The following KDM5A variants were observed in gnomAD, a reference collection of about 807,000 sequenced individuals.
KDM5A encodes lysine demethylase 5A, also known as lysine-specific demethylase 5A.
KDM5A carries 42 observed loss-of-function variants against 193.5 expected under a neutral mutation model. The observed-to-expected ratio is 0.22, with a 90% CI of 0.17 to 0.28. KDM5A has a LOEUF of 0.28. Ranked by LOEUF, KDM5A falls within the 10% of genes least tolerant of loss-of-function variation. The pLI is 1.00. For missense variants in KDM5A, 1,692 were observed against 2,055.1 expected (o/e 0.82, Z 3.42); for synonymous variants, 796 against 718.1 (o/e 1.11, Z -1.73).
At chr12:384,268 A>C in intron 2 of KDM5A, 115 bp from the exon 3 acceptor site, 2 of 784,688 alleles carry the variant, frequency 2.5e-6, no homozygotes, top group Non-Finnish European at 4.4e-6. Context: ...GCCTGTTAGG[A>C]ACCCAGCCAC....
Position 363,313 on chromosome 12 carries a change from G to A in KDM5A, c.538-216C>T, listed in dbSNP as rs147065316. 3.3e-5 allele frequency among the ~76,000 whole-genome samples: 5 copies of A among 152,152 alleles called. No homozygotes were observed. The East Asian group carries it at 9.6e-4, about 29-fold the overall frequency. On this transcript the variant is annotated intron_variant, in intron 4 of 27. Transcript: ENST00000399788. ...TAAAATTTATTTGGAAATATAAGTTGTTTAGAAATTTTGAAAAAAAGAACA... is the reference window on the plus strand; with the variant it reads ...TAAAATTTATTTGGAAATATAAGTTATTTAGAAATTTTGAAAAAAAGAACA...
chr12:328,146 A>T (rs950017018), intron 14 of KDM5A, among the ~76,000 whole-genome samples: 7 of 152,230 alleles, frequency 4.6e-5, no homozygotes, highest in African/African-American at 1.7e-4. Context: ...AAACTTATCA[A>T]ATTGTACACA....
chr12:357,287 C>T (rs939264555), intron 5 of KDM5A, among the ~76,000 whole-genome samples: 1 of 149,252 alleles, frequency 6.7e-6, no homozygotes, highest in African/African-American at 2.5e-5. Flanking sequence ...ATCAATCCAT[C>T]AATGGGAAAG....
At chr12:341,179 T>C (rs573887635) in intron 10 of KDM5A, among the ~76,000 whole-genome samples, 2 of 152,260 alleles carry the variant, frequency 1.3e-5, no homozygotes, top group East Asian at 1.9e-4. Context: ...AGCTAAAAAA[T>C]GAAGTCTCTC....
At chr12:309,029 AC>A (rs1483575082) in intron 22 of KDM5A, among the ~76,000 whole-genome samples, 3 of 152,202 alleles carry the variant, frequency 2.0e-5, no homozygotes, top group African/African-American at 7.2e-5. Context: ...TTAAATTCTA[AC>A]CCAGTAATTA....
intron 3 of KDM5A, among the ~76,000 whole-genome samples, chr12:381,731 C>T (rs1237334784): frequency 6.6e-6 from 1 of 152,118 alleles, no homozygotes; most frequent in Non-Finnish European, 1.5e-5. Flanking sequence ...TAAGACCGTA[C>T]TTCCCAAATT....
chr12:313,515 G>C (rs1263462563), intron 19 of KDM5A, among the ~76,000 whole-genome samples: 1 of 152,124 alleles, frequency 6.6e-6, no homozygotes, highest in African/African-American at 2.4e-5. Context: ...TTCAGAATGA[G>C]GGTCAGATCC....
chr12:359,816 G>C (rs929617794), intron 5 of KDM5A, among the ~76,000 whole-genome samples: 1 of 147,864 alleles, frequency 6.8e-6, no homozygotes, highest in Non-Finnish European at 1.5e-5. Flanking sequence ...GGAGGGAGAA[G>C]GGAGGCAAGG....
At position 376,545 on chromosome 12, in the gene KDM5A, C is replaced by T. The variant is rs555792648; in HGVS notation, c.366+7486G>A. Among the ~76,000 whole-genome samples, 454 of 152,322 alleles carry T rather than the reference C, an allele frequency of 3.0e-3. 2 individuals are homozygous for T. The highest frequency in any genetic ancestry group is 0.01 in the African/African-American group (436 of 41,584). On this transcript the variant is annotated intron_variant, in intron 3 of 27. Coordinates refer to ENST00000399788, the MANE Select transcript of KDM5A (RefSeq NM_001042603.3). ...GCACTTCCCAGGTGAGACGATGCCT[C>T]GCCCTGCTTTGGCACACGCTCGGTG...
At chr12:374,632 A>G (rs985906898) in intron 3 of KDM5A, among the ~76,000 whole-genome samples, 1 of 152,096 alleles carries the variant, frequency 6.6e-6, no homozygotes, top group African/African-American at 2.4e-5. Context: ...TTAGCTGATT[A>G]TTTTGCTCGT....
chr12:376,667 T>C (rs1359015797), intron 3 of KDM5A, among the ~76,000 whole-genome samples: 2 of 152,356 alleles, frequency 1.3e-5, no homozygotes, highest in African/African-American at 2.4e-5. Context: ...GTCTTCTGCG[T>C]CGCTCACGCT....
At position 323,481 on chromosome 12, in the gene KDM5A, T is replaced by C. The variant is rs188513563; in HGVS notation, c.2150+119A>G. The C allele has an allele frequency of 7.3e-4, 799 of 1,087,502 alleles. 4 individuals are homozygous for C. In the East Asian group the frequency reaches 0.01, roughly 14 times the overall value. 67.4% of individuals were successfully genotyped at this position (1,087,502 alleles called of 1,614,324 possible). A position where few individuals can be genotyped will look rare whatever the true frequency, so the allele number is the denominator to read the frequency against. On this transcript the variant is annotated intron_variant, in intron 15 of 27. Coordinates refer to ENST00000399788, the MANE Select transcript of KDM5A (RefSeq NM_001042603.3). Reference sequence around the variant, plus strand: ...AGGGACTGGTCTTCAAGCCTAGAAGTAGACAGTGAAGTTTAGAAGTCCAGA... The same window carrying C: ...AGGGACTGGTCTTCAAGCCTAGAAGCAGACAGTGAAGTTTAGAAGTCCAGA...
intron 5 of KDM5A, 64 bp from the exon 6 acceptor site, chr12:356,601 C>T: frequency 9.3e-7 from 1 of 1,077,640 alleles, no homozygotes; most frequent in Non-Finnish European, 1.4e-6. Context: ...TTTTTTTACC[C>T]AAGGAAAGTT....
At chr12:364,424 C>T (rs1284469710) in intron 4 of KDM5A, among the ~76,000 whole-genome samples, 1 of 151,586 alleles carries the variant, frequency 6.6e-6, no homozygotes, top group African/African-American at 2.4e-5. Context: ...CTGCAGTGAG[C>T]CGAGTTCACG....
intron 21 of KDM5A, 83 bp from the exon 22 acceptor site, chr12:310,047 C>T: frequency 7.0e-7 from 1 of 1,429,612 alleles, no homozygotes; most frequent in Non-Finnish European, 9.7e-7. Context: ...CATTTGTTGA[C>T]TGTTCAACCA....
chr12:306,805 C>A lies in KDM5A; in HGVS notation c.4074+141G>T, dbSNP rs139499293. The A allele has an allele frequency of 5.7e-4, 504 of 883,958 alleles. 7 individuals are homozygous for A. In the East Asian group the frequency reaches 0.012, roughly 21 times the overall value. 54.8% of individuals were successfully genotyped at this position (883,958 alleles called of 1,614,324 possible). The stretch of plus-strand genomic sequence containing the variant: ...TGTTTTGAGTTTTGAAAAAATGCTA[C>A]GACTAAAAACTCAGAACAGATAAAT... On this transcript the variant is annotated intron_variant, in intron 24 of 27. Transcript: ENST00000399788.
At position 377,289 on chromosome 12, in the gene KDM5A, G is replaced by A. The variant is rs116239694; in HGVS notation, c.366+6742C>T. 9.5e-3 allele frequency among the ~76,000 whole-genome samples: 1,442 copies of A among 151,922 alleles called. 31 individuals carry two copies. The highest frequency in any genetic ancestry group is 0.032 in the African/African-American group (1,346 of 41,426). On this transcript the variant is annotated intron_variant, in intron 3 of 27. Coordinates refer to ENST00000399788, the MANE Select transcript of KDM5A (RefSeq NM_001042603.3). ...ATGTCTAACATCTAACTAATAAAGA[G>A]TCAAAAAGAAGAGAAAAAATAAGTA... is the stretch of plus-strand genomic sequence containing the variant.
intron 18 of KDM5A, among the ~76,000 whole-genome samples, chr12:320,667 C>T (rs1419218112): frequency 2.6e-5 from 4 of 152,080 alleles, no homozygotes; most frequent in Non-Finnish European, 2.9e-5. Flanking sequence ...TTTAAAAGCT[C>T]ACGTATTATT....
intron 22 of KDM5A, among the ~76,000 whole-genome samples, chr12:309,526 C>A (rs559137466): frequency 2.6e-5 from 4 of 152,284 alleles, no homozygotes; most frequent in African/African-American, 7.2e-5. Context: ...TTACTGTACT[C>A]AGCAAACTAT....
Sources: gnomAD v4.1 joint callset for allele counts (sites outside exome capture counted in the v4.1 genomes callset) on GRCh38, gnomAD v4.1.1 for gene constraint, MANE v1.5 for transcripts, NCBI Gene and HGNC (gene_info 2026-07-23, HGNC 2026-07-21) for gene names.